SLTM: variants seen among roughly 807,000 people sequenced by gnomAD.
SLTM encodes the protein SAFB like transcription modulator.
Under a neutral mutation model 134.6 loss-of-function variants are expected in SLTM, and 43 were observed. That is an observed-to-expected ratio of 0.32 (90% CI 0.25 to 0.41). The LOEUF is 0.41. Ranked by LOEUF, SLTM falls within the 10% of genes least tolerant of loss-of-function variation. The probability of loss-of-function intolerance (pLI) is 1.00; values close to 1 mark genes in which losing one functional copy is unlikely to be tolerated. For synonymous variants in SLTM, 424 were observed against 432.3 expected (o/e 0.98, Z 0.24); for missense variants, 1,055 against 1,288.8 (o/e 0.82, Z 2.78).
rs186088616 is a variant in SLTM, at chr15:58,912,669, G to T, written c.514-59C>A. On this transcript the variant is annotated intron_variant, in intron 4 of 20. Transcript: ENST00000380516. ...TAAAATATCGGGGTAACGTGAGAAT[G>T]CTTTTATGCTTACACCTGATTATCA... The T allele has an allele frequency of 3.7e-6, 5 of 1,334,468 alleles. No homozygotes were observed. The Admixed American group carries it at 7.9e-5, about 21-fold the overall frequency. The allele number at this position is 1,334,468 out of a possible 1,614,324, so 82.7% of individuals were successfully genotyped here.
intron 2 of SLTM, among the ~76,000 whole-genome samples, chr15:58,923,588 G>A (rs1483453350): frequency 6.6e-6 from 1 of 151,956 alleles, no homozygotes; most frequent in African/African-American, 2.4e-5. Context: ...TCCGACAAGC[G>A]GCACTATCTT....
chr15:58,886,215 A>AAG (rs1491332877), intron 19 of SLTM, among the ~76,000 whole-genome samples: 55 of 137,030 alleles, frequency 4.0e-4, no homozygotes, highest in African/African-American at 1.0e-3. Flanking sequence ...GGAGAAAAAG[A>AAG]AGAGTGTGTG....
At chr15:58,880,544 C>G (rs567713765) in intron 20 of SLTM, among the ~76,000 whole-genome samples, 2 of 152,094 alleles carry the variant, frequency 1.3e-5, no homozygotes, top group African/African-American at 4.8e-5. Context: ...CTGTGCTTTT[C>G]TTTGTTTGTT....
chr15:58,915,831 G>T (rs1308996699), intron 3 of SLTM, among the ~76,000 whole-genome samples: 1 of 151,916 alleles, frequency 6.6e-6, no homozygotes, highest in South Asian at 2.1e-4. Flanking sequence ...TGACAATATG[G>T]ACTAGTTTTA....
chr15:58,918,932 G>A (rs1175055715), intron 2 of SLTM, among the ~76,000 whole-genome samples: 1 of 146,064 alleles, frequency 6.8e-6, no homozygotes, highest in South Asian at 2.1e-4. Flanking sequence ...TTTTTTTCCT[G>A]AGACAAGAGT....
intron 13 of SLTM, 80 bp from the exon 14 acceptor site, chr15:58,893,140 A>C (rs911543232): frequency 1.4e-6 from 2 of 1,431,232 alleles, no homozygotes; most frequent in East Asian, 4.7e-5. Flanking sequence ...GTCATTTAAA[A>C]AGTTCAAATG....
Position 58,887,287 on chromosome 15 carries a change from G to T in SLTM, c.2629C>A (p.Pro877Thr), listed in dbSNP as rs775277420. ...PRHPREAGPN[P>T]SRPTSWKSEG... ...CTTTTCCAGCTGGTGGGTCTGGAAG[G>T]ATTGGGCCCTGCCTCTCGAGGATGT... The change falls in exon 18 of 21, where the codon CCT (proline) becomes ACT (threonine). Residue 877 changes from proline (P) to threonine (T), a missense_variant. Pro to Thr is a conservative substitution (Grantham distance 38, BLOSUM62 -1). Transcript: ENST00000380516. The T allele has an allele frequency of 2.5e-6, 4 of 1,614,162 alleles. No individual in the cohort carries two copies. In the African/African-American group the frequency reaches 4.0e-5, roughly 16 times the overall value.
intron 2 of SLTM, among the ~76,000 whole-genome samples, chr15:58,919,635 C>G (rs2036885802): frequency 6.6e-6 from 1 of 151,962 alleles, no homozygotes; most frequent in Admixed American, 6.6e-5. Flanking sequence ...ACCTCAGAAG[C>G]AAAATAAACC....
At position 58,887,426 on chromosome 15, in the gene SLTM, C is replaced by T; in HGVS notation, c.2490G>A (p.Glu830=). Residue 830 remains glutamate, a synonymous_variant, in exon 18 of 21, where the codon GAG becomes GAA. Transcript: ENST00000380516. ...PKNFSDSRRN[E]PPPPRNELRE... Reference sequence around the variant, plus strand: ...TAAGTTCATTTCTTGGTGGTGGAGGCTCATTTCTTCTGGAGTCACTGAAAT... The same window carrying T: ...TAAGTTCATTTCTTGGTGGTGGAGGTTCATTTCTTCTGGAGTCACTGAAAT... 6.2e-7 allele frequency: 1 copy of T among 1,614,070 alleles called. No individual in the cohort carries two copies. The highest frequency in any genetic ancestry group is 8.5e-7 in the Non-Finnish European group (1 of 1,180,032).
chr15:58,890,087 T>C (rs1470662204), intron 15 of SLTM, 194 bp downstream of exon 15: 1 of 617,512 alleles, frequency 1.6e-6, no homozygotes. Flanking sequence ...TTACCAGTTA[T>C]CTAGAACAAA....
chr15:58,898,353 G>C (rs986687093), intron 8 of SLTM: 1 of 152,508 alleles, frequency 6.6e-6, no homozygotes, highest in Non-Finnish European at 1.5e-5. Context: ...ATTGCACTTT[G>C]AAACTTACAA....
At chr15:58,884,371 T>C (rs902977874) in intron 19 of SLTM, among the ~76,000 whole-genome samples, 1 of 152,108 alleles carries the variant, frequency 6.6e-6, no homozygotes, top group South Asian at 2.1e-4. Context: ...CAGGCTGGAA[T>C]GCAGTGGCGC....
intron 5 of SLTM, among the ~76,000 whole-genome samples, chr15:58,909,244 C>A (rs757851175): frequency 2.6e-5 from 4 of 152,142 alleles, no homozygotes; most frequent in Non-Finnish European, 4.4e-5. Flanking sequence ...GAGGCTCTCA[C>A]TGTATGGAAC....
intron 17 of SLTM, 63 bp from the exon 18 acceptor site, chr15:58,887,603 T>A: frequency 6.5e-7 from 1 of 1,529,924 alleles, no homozygotes; most frequent in Non-Finnish European, 8.7e-7. Context: ...TAATTCTTCT[T>A]AACTTTGTCT....
chr15:58,897,056 C>T, intron 9 of SLTM, 59 bp downstream of exon 9: 2 of 967,012 alleles, frequency 2.1e-6, no homozygotes, highest in African/African-American at 1.6e-5. Context: ...ATTTAGAATA[C>T]AATCCTCATT....
rs750450945 is a variant in SLTM, at chr15:58,887,085, A to G, written c.2725T>C (p.Ser909Pro). The G allele has an allele frequency of 6.2e-7, 1 of 1,614,062 alleles. No homozygotes were observed. Among genetic ancestry groups the G allele is most frequent in the Non-Finnish European group, 8.5e-7 (1 of 1,180,016 alleles). ...ERPERSGREVSGHSVRGAPPG... is the reference protein window; with the variant it reads ...ERPERSGREVPGHSVRGAPPG... ...GGAGCGCCTCTCACACTGTGCCCTG[A>G]TACTTCTCTCCCAGATCGTTCTGGC... is the stretch of plus-strand genomic sequence containing the variant. The change falls in exon 19 of 21, where the codon TCA (serine) becomes CCA (proline). Residue 909 changes from serine to proline, a missense_variant. Coordinates refer to ENST00000380516, the MANE Select transcript of SLTM (RefSeq NM_024755.4).
At chr15:58,916,849 C>T in intron 3 of SLTM, 86 bp downstream of exon 3, 1 of 1,097,370 alleles carries the variant, frequency 9.1e-7, no homozygotes, top group Non-Finnish European at 1.4e-6. Context: ...ACTTCAGTGA[C>T]CATTGTTCAA....
At chr15:58,930,071 T>C (rs1165082816) in intron 2 of SLTM, among the ~76,000 whole-genome samples, 3 of 152,134 alleles carry the variant, frequency 2.0e-5, no homozygotes, top group East Asian at 3.9e-4. Context: ...CTTTTTGTCA[T>C]GCATCTCTTA....
chr15:58,881,480 T>G (rs1303105302), intron 20 of SLTM, among the ~76,000 whole-genome samples: 2 of 151,330 alleles, frequency 1.3e-5, no homozygotes, highest in South Asian at 2.1e-4. Context: ...TGAGCTGAGA[T>G]AGTGCCACTG....
Sources: gnomAD v4.1 joint callset for allele counts (sites outside exome capture counted in the v4.1 genomes callset) on GRCh38, gnomAD v4.1.1 for gene constraint, MANE v1.5 for transcripts, NCBI Gene and HGNC (gene_info 2026-07-23, HGNC 2026-07-21) for gene names.